CTNNA2: variants seen among roughly 807,000 people sequenced by gnomAD.
CTNNA2 encodes catenin alpha-2.
In CTNNA2, 42 loss-of-function variants were observed where a neutral mutation model predicts 101.0. The ratio of observed to expected loss-of-function variants is 0.42; its 90% CI spans 0.32 to 0.54. The LOEUF is 0.54. CTNNA2 is among the 20% of genes least tolerant of loss of function. The pLI is 0.14. For synonymous variants in CTNNA2, 450 were observed against 456.4 expected, an observed-to-expected ratio of 0.99 and a Z score of 0.18; for missense variants, 871 against 1,223.1, an observed-to-expected ratio of 0.71 and a Z score of 4.29.
At chr2:79,484,954 C>T (rs182785046) in intron 4 of CTNNA2, among the ~76,000 whole-genome samples, 1 of 152,132 alleles carries the variant, frequency 6.6e-6, no homozygotes, top group Non-Finnish European at 1.5e-5. Context: ...ATTCTAAAAC[C>T]TTTACCAGCC....
At chr2:79,697,489 G>A (rs947186782) in intron 2 of CTNNA2, among the ~76,000 whole-genome samples, 2 of 152,048 alleles carry the variant, frequency 1.3e-5, no homozygotes, top group Admixed American at 1.3e-4. Flanking sequence ...ACATATTTGA[G>A]TTGCCTTTTC....
intron 7 of CTNNA2, among the ~76,000 whole-genome samples, chr2:80,184,417 T>A (rs1336754933): frequency 6.6e-6 from 1 of 152,182 alleles, no homozygotes; most frequent in Non-Finnish European, 1.5e-5. Flanking sequence ...CTCATATTGC[T>A]TCACAGTGGT....
intron 3 of CTNNA2, among the ~76,000 whole-genome samples, chr2:79,817,815 A>T (rs1235299682): frequency 6.6e-6 from 1 of 152,226 alleles, no homozygotes; most frequent in Non-Finnish European, 1.5e-5. Flanking sequence ...GGTGCTGACA[A>T]CAAATTGTTG....
intron 9 of CTNNA2, among the ~76,000 whole-genome samples, chr2:80,442,109 A>C (rs1266390843): frequency 1.3e-5 from 2 of 152,220 alleles, no homozygotes. Flanking sequence ...TTATTTTTCT[A>C]TATCAGCAGG....
chr2:79,488,208 C>G (rs1468720177), intron 4 of CTNNA2, among the ~76,000 whole-genome samples: 1 of 151,674 alleles, frequency 6.6e-6, no homozygotes, highest in Non-Finnish European at 1.5e-5. Flanking sequence ...ATCCCAGCTA[C>G]TCAGGAGGCT....
chr2:79,644,031 T>TTTTTG (rs1003810233), intron 1 of CTNNA2, among the ~76,000 whole-genome samples: 5 of 152,034 alleles, frequency 3.3e-5, no homozygotes, highest in African/African-American at 7.2e-5. Flanking sequence ...AAAGATCTGA[T>TTTTTG]TTTTGTTTTG....
In CTNNA2 at chr2:79,723,075, T is replaced by C. The variant is rs139083173; in HGVS notation, c.103-21312T>C. On this transcript the variant is annotated intron_variant, in intron 2 of 18. Coordinates refer to ENST00000402739, the MANE Select transcript of CTNNA2 (RefSeq NM_001282597.3). Reference sequence around the variant, plus strand: ...TTGCAAGATTTATAAAAATACTTTATTTTTTTAAGTTTTGCTTTAGTATTT... The same window carrying C: ...TTGCAAGATTTATAAAAATACTTTACTTTTTTAAGTTTTGCTTTAGTATTT... 6.2e-3 allele frequency among the ~76,000 whole-genome samples: 947 copies of C among 152,282 alleles called. 8 individuals carry two copies. Among genetic ancestry groups the C allele is most frequent in the African/African-American group, 0.021 (889 of 41,562 alleles).
intron 4 of CTNNA2, among the ~76,000 whole-genome samples, chr2:79,410,560 C>T (rs1036828409): frequency 1.3e-5 from 2 of 152,124 alleles, no homozygotes; most frequent in East Asian, 1.9e-4. Context: ...TTGAGATAAT[C>T]GTGTGGTTTG....
intron 7 of CTNNA2, among the ~76,000 whole-genome samples, chr2:80,149,571 G>T (rs771732468): frequency 3.3e-5 from 5 of 152,050 alleles, no homozygotes; most frequent in Non-Finnish European, 7.4e-5. Flanking sequence ...AGTGCTCCAG[G>T]CATTAGGCCA....
chr2:79,555,523 ACTGCTCTATTTTATT>A (rs1674389005), intron 1 of CTNNA2, among the ~76,000 whole-genome samples: 1 of 152,146 alleles, frequency 6.6e-6, no homozygotes, highest in Non-Finnish European at 1.5e-5. Context: ...TAACATTTTA[ACTGCTCTATTTTATT>A]TGAATTGTGT....
rs1573382773 is a variant in CTNNA2 at position 80,590,457 on chromosome 2, A to ATG, written c.2189+973_2189+974insGT. 2.9e-4 allele frequency among the ~76,000 whole-genome samples: 10 copies of ATG among 34,800 alleles called. No homozygotes were observed. The East Asian group carries it at 0.015, about 53-fold the overall frequency. 22.8% of individuals were successfully genotyped at this position (34,800 alleles called of 152,430 possible). Reference sequence around the variant, plus strand: ...GTGTTTTTTTTTCTGGAAAACACACATATGCAAAGATGTTTTAATGATTTA... The same window carrying ATG: ...GTGTTTTTTTTTCTGGAAAACACACATGTATGCAAAGATGTTTTAATGATTTA... On this transcript the variant is annotated intron_variant, in intron 15 of 18. Coordinates refer to ENST00000402739, the MANE Select transcript of CTNNA2 (RefSeq NM_001282597.3).
intron 1 of CTNNA2, chr2:79,633,662 G>A (rs557383103): frequency 3.9e-5 from 6 of 152,270 alleles, no homozygotes; most frequent in African/African-American, 1.4e-4. Flanking sequence ...TGTCTTAGAC[G>A]GTATTTGAGT....
chr2:79,293,252 G>A (rs979705381), intron 2 of CTNNA2: 1 of 152,120 alleles, frequency 6.6e-6, no homozygotes, highest in South Asian at 2.1e-4. Flanking sequence ...CCTAGAAGAT[G>A]TGCAGAATAT....
chr2:80,524,462 C>T (rs556407497), intron 9 of CTNNA2, among the ~76,000 whole-genome samples: 1 of 152,244 alleles, frequency 6.6e-6, no homozygotes, highest in South Asian at 2.1e-4. Context: ...TGGTCACTCA[C>T]CTGCTTAAAG....
At chr2:79,570,492 G>C (rs1675397029) in intron 1 of CTNNA2, among the ~76,000 whole-genome samples, 1 of 152,068 alleles carries the variant, frequency 6.6e-6, no homozygotes, top group South Asian at 2.1e-4. Context: ...AGGGAATTAA[G>C]AATCTGTACA....
intron 3 of CTNNA2, 56 bp downstream of exon 3, chr2:79,744,638 G>C: frequency 6.8e-7 from 1 of 1,465,422 alleles, no homozygotes; most frequent in Non-Finnish European, 9.2e-7. Context: ...GCAAACAATG[G>C]CTTTTTCTTT....
chr2:79,206,708 G>A (rs1457441506), intron 2 of CTNNA2, among the ~76,000 whole-genome samples: 1 of 152,202 alleles, frequency 6.6e-6, no homozygotes, highest in African/African-American at 2.4e-5. Context: ...TTCAGTGTTT[G>A]TTGGAAGCAG....
chr2:79,517,690 A>G (rs1671880196), intron 1 of CTNNA2, among the ~76,000 whole-genome samples: 1 of 152,176 alleles, frequency 6.6e-6, no homozygotes, highest in Non-Finnish European at 1.5e-5. Flanking sequence ...TTTACCTCAG[A>G]GCTGAATTCT....
rs1444537 is a variant in CTNNA2, at chr2:80,405,321, T to G, written c.1137+12030T>G. 1.9e-3 allele frequency among the ~76,000 whole-genome samples: 293 copies of G among 152,288 alleles called. 2 individuals are homozygous for G. Among genetic ancestry groups the G allele is most frequent in the African/African-American group, 6.8e-3 (284 of 41,560 alleles). ...TGAAATTCCAATAATAAGATTAAATTTCTTGCTGATATAAAACTCATAAGT... is the reference window on the plus strand; with the variant it reads ...TGAAATTCCAATAATAAGATTAAATGTCTTGCTGATATAAAACTCATAAGT... On this transcript the variant is annotated intron_variant, in intron 8 of 18. Coordinates refer to ENST00000402739, the MANE Select transcript of CTNNA2 (RefSeq NM_001282597.3).
Sources: allele counts gnomAD v4.1 joint callset (sites outside exome capture counted in the v4.1 genomes callset), GRCh38; gene constraint gnomAD v4.1.1; transcripts MANE v1.5; gene names NCBI Gene and HGNC (gene_info 2026-07-23, HGNC 2026-07-21).